Variants in SLC24A3 observed in about 807,000 individuals in gnomAD.
The protein encoded by SLC24A3 is sodium/potassium/calcium exchanger 3.
A neutral mutation model predicts 75.8 loss-of-function variants in SLC24A3; 28 were observed. The ratio of observed to expected loss-of-function variants is 0.37; its 90% CI spans 0.27 to 0.51. The LOEUF (loss-of-function observed/expected upper bound fraction) is 0.51, where lower values mean the gene tolerates loss of function less well. Ranked by LOEUF, SLC24A3 falls within the 20% of genes least tolerant of loss-of-function variation. The pLI, the probability that SLC24A3 is intolerant of heterozygous loss-of-function variation, is 0.94. For synonymous variants in SLC24A3, 372 were observed against 334.1 expected (o/e 1.11, Z -1.24); for missense variants, 663 against 847.8 (o/e 0.78, Z 2.71).
intron 2 of SLC24A3, among the ~76,000 whole-genome samples, chr20:19,288,622 C>T (rs1378222134): frequency 6.6e-6 from 1 of 152,188 alleles, no homozygotes; most frequent in Non-Finnish European, 1.5e-5. Context: ...ATAAATACCT[C>T]AAGGTCAGGA....
chr20:19,453,492 A>G (rs2179601), intron 2 of SLC24A3, among the ~76,000 whole-genome samples: 25,213 of 152,146 alleles, frequency 0.17, 4,852 homozygotes, highest in East Asian at 0.47. Context: ...ACTGTTAACC[A>G]CCAGAGTCTC....
intron 5 of SLC24A3, 136 bp downstream of exon 5, chr20:19,585,191 T>A: frequency 1.3e-6 from 1 of 797,216 alleles, no homozygotes; most frequent in Non-Finnish European, 2.0e-6. Flanking sequence ...GAGTAGAACA[T>A]CAGCCTCCCA....
At chr20:19,406,597 T>A (rs974147798) in intron 2 of SLC24A3, among the ~76,000 whole-genome samples, 21 of 152,212 alleles carry the variant, frequency 1.4e-4, no homozygotes, top group African/African-American at 5.1e-4. Flanking sequence ...TTGACACATT[T>A]ATTGCAATAC....
intron 2 of SLC24A3, among the ~76,000 whole-genome samples, chr20:19,446,803 C>A (rs1430605065): frequency 2.0e-5 from 3 of 152,182 alleles, no homozygotes; most frequent in Non-Finnish European, 4.4e-5. Context: ...TGTAAGTGAA[C>A]CTGTGAGCAA....
chr20:19,323,568 C>T (rs1984767742), intron 2 of SLC24A3, among the ~76,000 whole-genome samples: 1 of 152,140 alleles, frequency 6.6e-6, no homozygotes, highest in Non-Finnish European at 1.5e-5. Context: ...GACAGCTGTC[C>T]CCCCAGCACA....
At chr20:19,313,277 C>T (rs958081963) in intron 2 of SLC24A3, among the ~76,000 whole-genome samples, 10 of 152,118 alleles carry the variant, frequency 6.6e-5, no homozygotes, top group East Asian at 1.9e-4. Context: ...TCAGGTGATC[C>T]GCCTGCCTCA....
At chr20:19,469,855 C>T (rs1987837385) in intron 2 of SLC24A3, among the ~76,000 whole-genome samples, 4 of 152,156 alleles carry the variant, frequency 2.6e-5, no homozygotes, top group African/African-American at 9.7e-5. Flanking sequence ...TGGTCACATG[C>T]CCATTCAAGC....
chr20:19,316,674 C>A (rs908439213), intron 2 of SLC24A3, among the ~76,000 whole-genome samples: 1 of 152,190 alleles, frequency 6.6e-6, no homozygotes, highest in Non-Finnish European at 1.5e-5. Flanking sequence ...GCCCTAGGGG[C>A]TGGGGAGAGG....
At chr20:19,395,276 C>T (rs552573138) in intron 2 of SLC24A3, among the ~76,000 whole-genome samples, 58 of 152,170 alleles carry the variant, frequency 3.8e-4, no homozygotes, top group African/African-American at 1.1e-3. Flanking sequence ...CAAAAATGTG[C>T]GTATACTTAA....
At chr20:19,313,970 A>G (rs892831921) in intron 2 of SLC24A3, among the ~76,000 whole-genome samples, 17 of 152,372 alleles carry the variant, frequency 1.1e-4, no homozygotes, top group African/African-American at 4.1e-4. Context: ...GAGTTGAACT[A>G]TAGAACTTCA....
At chr20:19,363,107 G>T (rs1159934382) in intron 2 of SLC24A3, among the ~76,000 whole-genome samples, 1 of 152,194 alleles carries the variant, frequency 6.6e-6, no homozygotes, top group Non-Finnish European at 1.5e-5. Flanking sequence ...CTCCATGTTT[G>T]CACGTCCTGC....
At chr20:19,550,123 T>C (rs2030666478) in intron 3 of SLC24A3, among the ~76,000 whole-genome samples, 1 of 152,192 alleles carries the variant, frequency 6.6e-6, no homozygotes, top group South Asian at 2.1e-4. Context: ...AAGCTTTGAG[T>C]TGCCAAGATA....
chr20:19,592,517 T>C (rs1026059959), intron 6 of SLC24A3, among the ~76,000 whole-genome samples: 1 of 152,100 alleles, frequency 6.6e-6, no homozygotes, highest in African/African-American at 2.4e-5. Context: ...CACGGTGCAA[T>C]GGGGGAAAGA....
chr20:19,404,674 C>T lies in SLC24A3; in HGVS notation c.272-110814C>T, dbSNP rs997479084. ...ATGGTTGCTGATGGGGCCCAGAGGT[C>T]GGGCTGGACACTCCTGTGGGGAAGT... is the stretch of plus-strand genomic sequence containing the variant. On this transcript the variant is annotated intron_variant, in intron 2 of 16. Transcript: ENST00000328041. 3.3e-5 allele frequency among the ~76,000 whole-genome samples: 5 copies of T among 152,284 alleles called. No individual in the cohort carries two copies. In the South Asian group the frequency reaches 6.2e-4, roughly 19 times the overall value.
chr20:19,246,317 G>A (rs957620740), intron 1 of SLC24A3, among the ~76,000 whole-genome samples: 4 of 152,056 alleles, frequency 2.6e-5, no homozygotes, highest in African/African-American at 9.7e-5. Context: ...ATATATATGA[G>A]TAGAATCAAT....
intron 2 of SLC24A3, among the ~76,000 whole-genome samples, chr20:19,493,129 C>G (rs1258881699): frequency 6.6e-6 from 1 of 152,196 alleles, no homozygotes; most frequent in Non-Finnish European, 1.5e-5. Flanking sequence ...TGACAGGAAT[C>G]AGTGCAAGCC....
At chr20:19,359,579 T>C (rs977629405) in intron 2 of SLC24A3, among the ~76,000 whole-genome samples, 1 of 152,130 alleles carries the variant, frequency 6.6e-6, no homozygotes, top group South Asian at 2.1e-4. Context: ...TTGAGGCACC[T>C]CCATAGATTT....
chr20:19,517,560 A>T (rs59107009), intron 3 of SLC24A3, among the ~76,000 whole-genome samples: 146 of 152,342 alleles, frequency 9.6e-4, no homozygotes, highest in African/African-American at 3.4e-3. Flanking sequence ...AATGGGCATG[A>T]GTCTACATGT....
intron 1 of SLC24A3, among the ~76,000 whole-genome samples, chr20:19,255,218 G>A (rs1357515946): frequency 6.6e-6 from 1 of 152,348 alleles, no homozygotes; most frequent in Non-Finnish European, 1.5e-5. Context: ...TCTGCCAAGA[G>A]TCCCCAGGGG....
Sources: gnomAD v4.1 joint callset for allele counts (sites outside exome capture counted in the v4.1 genomes callset) on GRCh38, gnomAD v4.1.1 for gene constraint, MANE v1.5 for transcripts, NCBI Gene and HGNC (gene_info 2026-07-23, HGNC 2026-07-21) for gene names.